Variants in ASIC2 observed in about 807,000 individuals in gnomAD.
ASIC2 encodes acid-sensing ion channel 2.
A neutral mutation model predicts 57.3 loss-of-function variants in ASIC2; 25 were observed. That is an observed-to-expected ratio of 0.44 (90% confidence interval 0.32 to 0.61). The LOEUF (loss-of-function observed/expected upper bound fraction) is 0.61, where lower values mean the gene tolerates loss of function less well. ASIC2 is among the 20% of genes least tolerant of loss of function. The pLI, the probability that ASIC2 is intolerant of heterozygous loss-of-function variation, is 0.06. For synonymous variants in ASIC2, 319 were observed against 307.5 expected, an observed-to-expected ratio of 1.04 and a Z score of -0.39; for missense variants, 641 against 738.1, an observed-to-expected ratio of 0.87 and a Z score of 1.52.
chr17:33,974,713 CCT>C (rs1490290282), intron 1 of ASIC2, among the ~76,000 whole-genome samples: 6 of 151,870 alleles, frequency 4.0e-5, no homozygotes, highest in African/African-American at 1.5e-4. Context: ...GTTCCTGATT[CCT>C]CTCTTTTGTG....
At chr17:33,784,295 C>A (rs371669035) in intron 1 of ASIC2, among the ~76,000 whole-genome samples, 2 of 152,144 alleles carry the variant, frequency 1.3e-5, no homozygotes, top group South Asian at 2.1e-4. Flanking sequence ...CAATGCCTGG[C>A]ATGTACGCGG....
At chr17:33,596,195 G>T (rs1904974171) in intron 1 of ASIC2, among the ~76,000 whole-genome samples, 1 of 152,144 alleles carries the variant, frequency 6.6e-6, no homozygotes, top group Non-Finnish European at 1.5e-5. Context: ...GATTGAGTTT[G>T]GGGGTGGTTC....
At chr17:33,546,074 T>A (rs1915565303) in intron 1 of ASIC2, among the ~76,000 whole-genome samples, 1 of 151,658 alleles carries the variant, frequency 6.6e-6, no homozygotes. Flanking sequence ...TGTATTAGCA[T>A]GATGCATTTA....
chr17:33,761,574 C>T (rs1910779636), intron 1 of ASIC2, among the ~76,000 whole-genome samples: 1 of 152,180 alleles, frequency 6.6e-6, no homozygotes, highest in Admixed American at 6.5e-5. Context: ...GGGACTTCAG[C>T]TTGAGATGGA....
intron 1 of ASIC2, among the ~76,000 whole-genome samples, chr17:34,086,948 G>A (rs891895851): frequency 6.6e-6 from 1 of 152,184 alleles, no homozygotes; most frequent in Middle Eastern, 3.4e-3. Flanking sequence ...CATGGGAGAT[G>A]GGTTTCCTGA....
intron 2 of ASIC2, among the ~76,000 whole-genome samples, chr17:33,103,071 C>T (rs946151747): frequency 2.1e-4 from 32 of 152,240 alleles, no homozygotes; most frequent in African/African-American, 7.5e-4. Context: ...GCCTGAGCCA[C>T]AGCACCCGGC....
intron 1 of ASIC2, among the ~76,000 whole-genome samples, chr17:33,150,308 C>T (rs1044703125): frequency 2.0e-4 from 31 of 152,196 alleles, no homozygotes; most frequent in African/African-American, 7.5e-4. Context: ...ACCACCTGCC[C>T]AGTACAGGTG....
chr17:33,348,050 C>T (rs1393582153), intron 1 of ASIC2, among the ~76,000 whole-genome samples: 8 of 152,104 alleles, frequency 5.3e-5, no homozygotes, highest in Non-Finnish European at 1.0e-4. Context: ...TGCAGTGAGC[C>T]GAGATGGCAC....
intron 1 of ASIC2, among the ~76,000 whole-genome samples, chr17:33,126,907 C>T (rs994385106): frequency 1.7e-4 from 21 of 120,808 alleles, no homozygotes; most frequent in Non-Finnish European, 2.4e-4. Context: ...GTCGCCCAGG[C>T]GGGACTGCGG....
At chr17:33,920,082 T>C (rs1342026648) in intron 1 of ASIC2, among the ~76,000 whole-genome samples, 1 of 152,172 alleles carries the variant, frequency 6.6e-6, no homozygotes. Flanking sequence ...GGAATATAAA[T>C]TCGTTCAGCC....
chr17:33,080,604 A>G (rs2092109355), intron 3 of ASIC2, among the ~76,000 whole-genome samples: 1 of 152,188 alleles, frequency 6.6e-6, no homozygotes, highest in South Asian at 2.1e-4. Context: ...AATTAGGCAC[A>G]GTAAGAGATA....
rs552974912 is a variant in ASIC2 at position 33,480,728 on chromosome 17, C to A, written c.556-368661G>T. On this transcript the variant is annotated intron_variant, in intron 1 of 9. Coordinates refer to the ASIC2 transcript ENST00000359872. ...ATTCATTCTGGCTCCTTATCCCCAC[C>A]CCAGCCATCCTCCCGAAGGACTGTA... 4.6e-5 allele frequency among the ~76,000 whole-genome samples: 7 copies of A among 152,170 alleles called. No individual in the cohort carries two copies. The East Asian group carries it at 9.7e-4, about 21-fold the overall frequency.
chr17:33,430,564 T>G (rs1429201361), intron 1 of ASIC2, among the ~76,000 whole-genome samples: 1 of 152,092 alleles, frequency 6.6e-6, no homozygotes, highest in Non-Finnish European at 1.5e-5. Context: ...TGTCAAGTGG[T>G]CAGTGAAGCA....
intron 3 of ASIC2, among the ~76,000 whole-genome samples, chr17:33,078,932 G>A (rs1169941516): frequency 5.3e-5 from 8 of 152,142 alleles, no homozygotes; most frequent in Non-Finnish European, 1.2e-4. Context: ...GGCCTAAGTG[G>A]GGCAGTGTGT....
intron 1 of ASIC2, among the ~76,000 whole-genome samples, chr17:33,188,254 A>AT (rs1906279438): frequency 6.6e-6 from 1 of 152,166 alleles, no homozygotes; most frequent in East Asian, 1.9e-4. Context: ...AGACACAGTG[A>AT]TAAAAACTAT....
rs539174535 is a variant in ASIC2 at position 33,363,141 on chromosome 17, G to C, written c.556-251074C>G. On this transcript the variant is annotated intron_variant, in intron 1 of 9. Transcript: ENST00000359872. ...ACTCTTAAGTGTACCAATAATGAGG[G>C]GGGAAGAAAAGAGGTCACTAGTAAA... 2.2e-4 allele frequency among the ~76,000 whole-genome samples: 34 copies of C among 152,164 alleles called. 1 individual carries two copies. The highest frequency in any genetic ancestry group is 3.4e-3 in the Middle Eastern group (1 of 294).
chr17:33,707,095 T>TG (rs1871037330), intron 1 of ASIC2, among the ~76,000 whole-genome samples: 1 of 152,246 alleles, frequency 6.6e-6, no homozygotes, highest in African/African-American at 2.4e-5. Flanking sequence ...TACTGTCTCC[T>TG]AGCTTCTGAT....
chr17:33,074,137 A>G (rs1194373177), intron 3 of ASIC2, among the ~76,000 whole-genome samples: 1 of 152,220 alleles, frequency 6.6e-6, no homozygotes. Flanking sequence ...AGAGAGTTAT[A>G]TAGAGAGAAA....
At chr17:33,863,414 A>T (rs939541998) in intron 1 of ASIC2, among the ~76,000 whole-genome samples, 12 of 152,312 alleles carry the variant, frequency 7.9e-5, no homozygotes, top group African/African-American at 2.9e-4. Flanking sequence ...CAATGGAGAA[A>T]TCCCTGAACT....
Sources: allele counts gnomAD v4.1 joint callset (sites outside exome capture counted in the v4.1 genomes callset), GRCh38; gene constraint gnomAD v4.1.1; transcripts MANE v1.5; gene names NCBI Gene and HGNC (gene_info 2026-07-23, HGNC 2026-07-21).